Variants in RELL1 observed in about 807,000 individuals in gnomAD.
RELL1 encodes RELT like 1, also known as RELT-like protein 1.
Under a neutral mutation model 23.0 loss-of-function variants are expected in RELL1, and 10 were observed. That is an observed-to-expected ratio of 0.43 (90% CI 0.27 to 0.74). RELL1 has a LOEUF of 0.74. Among genes scored for constraint, RELL1 ranks in the 30% least tolerant of loss-of-function variants. The pLI, the probability that RELL1 is intolerant of heterozygous loss-of-function variation, is 0.19. For missense variants in RELL1, 315 were observed against 364.4 expected (o/e 0.86, Z 1.10); for synonymous variants, 146 against 146.8 (o/e 0.99, Z 0.04).
chr4:37,675,452 T>C (rs1261004256), intron 1 of RELL1, among the ~76,000 whole-genome samples: 2 of 152,182 alleles, frequency 1.3e-5, no homozygotes, highest in Non-Finnish European at 2.9e-5. Flanking sequence ...GAGAATAACA[T>C]GCAACCTGCT....
intron 1 of RELL1, among the ~76,000 whole-genome samples, chr4:37,661,628 A>C (rs1303079509): frequency 6.6e-6 from 1 of 152,226 alleles, no homozygotes; most frequent in African/African-American, 2.4e-5. Context: ...CAATAATAAA[A>C]GAAGAGAAAC....
At chr4:37,646,485 G>A (rs1720714905) in intron 3 of RELL1, among the ~76,000 whole-genome samples, 1 of 152,118 alleles carries the variant, frequency 6.6e-6, no homozygotes, top group Non-Finnish European at 1.5e-5. Context: ...GCTTCAGCTT[G>A]GGAAGATGTA....
At position 37,611,104 on chromosome 4, in the gene RELL1, T is replaced by TA. The variant is rs994936383; in HGVS notation, c.*2241dup. 1.3e-4 allele frequency among the ~76,000 whole-genome samples: 20 copies of TA among 148,762 alleles called. No homozygotes were observed. Among genetic ancestry groups the TA allele is most frequent in the African/African-American group, 4.2e-4 (17 of 40,140 alleles). On this transcript the variant is annotated 3_prime_UTR_variant, in exon 7 of 7. Transcript: ENST00000454158. The stretch of plus-strand genomic sequence containing the variant: ...TTCTCTTGCCTGTTGTATTGCTATT[T>TA]AAAAAAAAGTGCTCTGACTTGAATA...
chr4:37,676,374 A>ATACTTT (rs1722024971), intron 1 of RELL1, among the ~76,000 whole-genome samples: 2 of 152,228 alleles, frequency 1.3e-5, no homozygotes, highest in Non-Finnish European at 2.9e-5. Flanking sequence ...ATTGGTTTTG[A>ATACTTT]ATAGTATAAA....
chr4:37,595,649 A>G (rs1718812050), intron 6 of RELL1, among the ~76,000 whole-genome samples: 1 of 148,436 alleles, frequency 6.7e-6, no homozygotes, highest in South Asian at 2.1e-4. Flanking sequence ...AGAGTTTAGG[A>G]ATTGTATTTA....
intron 1 of RELL1, among the ~76,000 whole-genome samples, chr4:37,681,727 C>T (rs558365802): frequency 5.3e-5 from 8 of 152,150 alleles, no homozygotes; most frequent in South Asian, 2.1e-4. Flanking sequence ...CGGGGTTTCA[C>T]CATATTGGCC....
chr4:37,669,412 G>A (rs1189624118), intron 1 of RELL1, among the ~76,000 whole-genome samples: 2 of 149,818 alleles, frequency 1.3e-5, no homozygotes, highest in African/African-American at 4.9e-5. Context: ...GGGAGGTGGG[G>A]GGGTCAGCCC....
chr4:37,595,949 T>G (rs1718826023), intron 6 of RELL1, among the ~76,000 whole-genome samples: 1 of 152,206 alleles, frequency 6.6e-6, no homozygotes, highest in African/African-American at 2.4e-5. Context: ...TATATTCGTG[T>G]AATGACATCC....
intron 6 of RELL1, among the ~76,000 whole-genome samples, chr4:37,624,100 C>A (rs896697986): frequency 3.3e-5 from 5 of 152,116 alleles, no homozygotes; most frequent in Non-Finnish European, 5.9e-5. Flanking sequence ...AAAAAAGGAG[C>A]CAAGGAGCCT....
At chr4:37,623,131 A>C in intron 6 of RELL1, 1 of 310,820 alleles carries the variant, frequency 3.2e-6, no homozygotes, top group South Asian at 2.6e-5. Flanking sequence ...ATATAATTGT[A>C]CCTCCATTGA....
rs942061238 is a variant in RELL1 at position 37,612,002 on chromosome 4, C to T, written c.*1344G>A. On this transcript the variant is annotated 3_prime_UTR_variant, in exon 7 of 7. Transcript: ENST00000454158. ...CATCTTCGCTAATGCGGTGAAACCC[C>T]GTCTCTCCTAAAAATACAAAAAAAA... Among the ~76,000 whole-genome samples, 16 of 151,166 alleles carry T rather than the reference C, an allele frequency of 1.1e-4. No homozygotes were observed. Among genetic ancestry groups the T allele is most frequent in the Admixed American group, 8.6e-4 (13 of 15,168 alleles).
chr4:37,671,207 C>T (rs1721823151), intron 1 of RELL1, among the ~76,000 whole-genome samples: 1 of 152,174 alleles, frequency 6.6e-6, no homozygotes, highest in South Asian at 2.1e-4. Context: ...AAATTGGGGG[C>T]TTTCCATGAC....
At chr4:37,605,690 C>T (rs1309006926), downstream of RELL1, among the ~76,000 whole-genome samples, 2 of 149,858 alleles carry the variant, frequency 1.3e-5, no homozygotes, top group Non-Finnish European at 3.0e-5. Context: ...TGCAGCGAGT[C>T]GAGATTGTAC....
intron 1 of RELL1, among the ~76,000 whole-genome samples, chr4:37,673,753 C>G (rs1234710301): frequency 6.6e-6 from 1 of 152,118 alleles, no homozygotes; most frequent in Non-Finnish European, 1.5e-5. Flanking sequence ...TGTCTCCTTT[C>G]GGCTCAGCCT....
At chr4:37,641,710 C>T (rs1720536823) in intron 3 of RELL1, among the ~76,000 whole-genome samples, 1 of 152,144 alleles carries the variant, frequency 6.6e-6, no homozygotes, top group Non-Finnish European at 1.5e-5. Context: ...CATGAAACAG[C>T]CAAAATCAGG....
downstream of RELL1, among the ~76,000 whole-genome samples, chr4:37,609,863 T>C (rs1719321449): frequency 2.0e-5 from 3 of 152,190 alleles, no homozygotes; most frequent in Admixed American, 1.3e-4. Flanking sequence ...AAGAAAGTGG[T>C]TTCCTGAGAT....
At chr4:37,633,951 A>G (rs1049361769) in intron 5 of RELL1, among the ~76,000 whole-genome samples, 4 of 152,244 alleles carry the variant, frequency 2.6e-5, no homozygotes, top group Non-Finnish European at 4.4e-5. Context: ...GAGAAGGATC[A>G]TGTAAGCAGC....
At chr4:37,630,373 T>G (rs1228263938) in intron 6 of RELL1, among the ~76,000 whole-genome samples, 4 of 141,942 alleles carry the variant, frequency 2.8e-5, no homozygotes, top group Admixed American at 2.8e-4. Flanking sequence ...TTTTTTTTTT[T>G]TTTTTTTTTG....
chr4:37,641,257 G>A (rs2109272208), intron 3 of RELL1, among the ~76,000 whole-genome samples: 1 of 152,206 alleles, frequency 6.6e-6, no homozygotes, highest in South Asian at 2.1e-4. Flanking sequence ...CCACATGCAT[G>A]CATGTACAGG....
Sources: gnomAD v4.1 joint callset for allele counts (sites outside exome capture counted in the v4.1 genomes callset) on GRCh38, gnomAD v4.1.1 for gene constraint, MANE v1.5 for transcripts, NCBI Gene and HGNC (gene_info 2026-07-23, HGNC 2026-07-21) for gene names.